FBXW4: variants seen among roughly 807,000 people sequenced by gnomAD.
The protein encoded by FBXW4 is F-box/WD repeat-containing protein 4.
In FBXW4, 40 loss-of-function variants were observed where a neutral mutation model predicts 61.8. The ratio of observed to expected loss-of-function variants is 0.65; its 90% CI spans 0.50 to 0.84. The LOEUF is 0.84. Ranked by LOEUF, FBXW4 falls within the 40% of genes least tolerant of loss-of-function variation. FBXW4 has a pLI of 0.00. For synonymous variants in FBXW4, 311 were observed against 313.8 expected (o/e 0.99, Z 0.10); for missense variants, 672 against 753.8 (o/e 0.89, Z 1.27).
chr10:101,683,978 T>C (rs2064505489), intron 1 of FBXW4, among the ~76,000 whole-genome samples: 1 of 152,110 alleles, frequency 6.6e-6, no homozygotes, highest in Admixed American at 6.5e-5. Flanking sequence ...TAATTAATTT[T>C]TTTGAGACAG....
chr10:101,634,181 ATATC>A (rs2063982009), intron 5 of FBXW4, among the ~76,000 whole-genome samples: 1 of 151,806 alleles, frequency 6.6e-6, no homozygotes, highest in South Asian at 2.1e-4. Flanking sequence ...AAACTGTAGA[ATATC>A]TAAGAATAAA....
chr10:101,674,533 A>G (rs757311059), intron 2 of FBXW4, among the ~76,000 whole-genome samples: 18 of 152,152 alleles, frequency 1.2e-4, no homozygotes, highest in Non-Finnish European at 2.9e-5. Context: ...ATTCTGTTAG[A>G]GCTAAGGGGT....
Position 101,611,690 on chromosome 10 carries a change from T to C in FBXW4, c.1522A>G (p.Thr508Ala). The C allele has an allele frequency of 1.2e-6, 2 of 1,614,182 alleles. No individual in the cohort carries two copies. The highest frequency in any genetic ancestry group is 1.7e-6 in the Non-Finnish European group (2 of 1,180,028). Reference protein sequence around the residue: ...LQTDGNHLLATGSSYYGVVRL... With the variant: ...LQTDGNHLLAAGSSYYGVVRL... ...ACAACACCGTAGTAGGAGGAACCTGTGGCCAGCAGGTGGTTGCCATCTGTC... is the reference window on the plus strand; with the variant it reads ...ACAACACCGTAGTAGGAGGAACCTGCGGCCAGCAGGTGGTTGCCATCTGTC... The change falls in exon 8 of 9, where the codon ACA (threonine) becomes GCA (alanine). Residue 508 changes from threonine to alanine, a missense_variant. Around this residue, in one of 5 missense-constraint regions of FBXW4, gnomAD observed 312 missense variants for 370.1 expected, o/e 0.84. Coordinates refer to ENST00000331272, the MANE Select transcript of FBXW4 (RefSeq NM_022039.4). This position sits in a 1 kb window ranked among gnomAD's most constrained non-coding sequence, Gnocchi z 4.9.
At chr10:101,643,876 T>G (rs1160264174) in intron 5 of FBXW4, among the ~76,000 whole-genome samples, 1 of 152,164 alleles carries the variant, frequency 6.6e-6, no homozygotes, top group African/African-American at 2.4e-5. Flanking sequence ...AAATTTCTAA[T>G]AAGCAGTTTC....
intron 5 of FBXW4, among the ~76,000 whole-genome samples, chr10:101,654,381 G>T (rs897765672): frequency 2.0e-4 from 31 of 152,022 alleles, no homozygotes; most frequent in African/African-American, 7.2e-4. Flanking sequence ...TAAATTTTAT[G>T]ATATATAAAT....
intron 5 of FBXW4, among the ~76,000 whole-genome samples, chr10:101,654,921 T>G (rs1169575012): frequency 6.6e-6 from 1 of 152,232 alleles, no homozygotes; most frequent in Non-Finnish European, 1.5e-5. Context: ...TCTCCTGGGC[T>G]CAAGCAGTCC....
At chr10:101,692,806 C>G (rs888330658) in intron 1 of FBXW4, among the ~76,000 whole-genome samples, 1 of 145,820 alleles carries the variant, frequency 6.9e-6, no homozygotes, top group Non-Finnish European at 1.5e-5. Context: ...ACAGATTTAT[C>G]AGGTCTGTGG....
At chr10:101,648,306 G>A (rs1220377339) in intron 5 of FBXW4, among the ~76,000 whole-genome samples, 1 of 152,180 alleles carries the variant, frequency 6.6e-6, no homozygotes, top group Non-Finnish European at 1.5e-5. Context: ...GCATTGATTT[G>A]AGATGATTGA....
chr10:101,674,639 T>G (rs2064390643), intron 2 of FBXW4, among the ~76,000 whole-genome samples: 1 of 152,248 alleles, frequency 6.6e-6, no homozygotes, highest in Non-Finnish European at 1.5e-5. Flanking sequence ...ATTTCTGTAT[T>G]AGAGAGTAAG....
At chr10:101,614,837 C>T (rs1301408313) in intron 6 of FBXW4, among the ~76,000 whole-genome samples, 1 of 152,190 alleles carries the variant, frequency 6.6e-6, no homozygotes, top group East Asian at 1.9e-4. Flanking sequence ...AGCAGTGCCA[C>T]AGGAGCCCTG....
In FBXW4 at chr10:101,611,920, C is replaced by T; in HGVS notation, c.1443-151G>A. 3.0e-6 allele frequency: 3 copies of T among 1,005,766 alleles called. 1 individual carries two copies. Among genetic ancestry groups the T allele is most frequent in the South Asian group, 3.5e-5 (2 of 57,682 alleles). The allele number at this position is 1,005,766 out of a possible 1,614,324, so 62.3% of individuals were successfully genotyped here. ...CTAAATCATCAGATTCATCAAAAAC[C>T]GAACTTCATGGGAGAAAGCATCTTC... On this transcript the variant is annotated intron_variant, in intron 7 of 8. Transcript: ENST00000331272. The surrounding 1 kb of genome is among the most constrained non-coding windows in gnomAD (Gnocchi z 4.9).
chr10:101,630,461 T>C (rs559366694), intron 5 of FBXW4, among the ~76,000 whole-genome samples: 2 of 152,288 alleles, frequency 1.3e-5, no homozygotes, highest in African/African-American at 4.8e-5. Flanking sequence ...TGTCCCTCCA[T>C]TGGCTCAGCC....
chr10:101,673,434 T>A (rs1286274310), intron 3 of FBXW4, 54 bp downstream of exon 3: 9 of 1,591,352 alleles, frequency 5.7e-6, no homozygotes, highest in Non-Finnish European at 7.7e-6. Context: ...GCAGGCAGAA[T>A]GTCCCCGAAG....
At chr10:101,620,804 T>C (rs1290810979) in intron 6 of FBXW4, among the ~76,000 whole-genome samples, 2 of 152,116 alleles carry the variant, frequency 1.3e-5, no homozygotes, top group Non-Finnish European at 2.9e-5. Context: ...CTATTCTCAT[T>C]AGAGTCCATT....
intron 5 of FBXW4, among the ~76,000 whole-genome samples, chr10:101,638,251 G>A (rs1292492159): frequency 2.0e-5 from 3 of 152,178 alleles, no homozygotes; most frequent in Non-Finnish European, 2.9e-5. Context: ...TTTGTAAGGC[G>A]TGGAACTAGA....
At chr10:101,654,711 T>C (rs2064171875) in intron 5 of FBXW4, among the ~76,000 whole-genome samples, 1 of 152,228 alleles carries the variant, frequency 6.6e-6, no homozygotes, top group African/African-American at 2.4e-5. Context: ...ATCTTTTGGT[T>C]CCATAAATGT....
At chr10:101,621,237 C>G (rs2063864516) in intron 6 of FBXW4, among the ~76,000 whole-genome samples, 1 of 152,198 alleles carries the variant, frequency 6.6e-6, no homozygotes, top group South Asian at 2.1e-4. Flanking sequence ...GAATTAAAAG[C>G]CTCCACAAGC....
chr10:101,618,791 C>T (rs2063845161), intron 6 of FBXW4, among the ~76,000 whole-genome samples: 1 of 152,126 alleles, frequency 6.6e-6, no homozygotes, highest in South Asian at 2.1e-4. Context: ...GATTAAAGGG[C>T]TCTCCATCCT....
Position 101,611,457 on chromosome 10 carries a change from A to G in FBXW4, c.1585-47T>C. The G allele has an allele frequency of 6.3e-7, 1 of 1,598,058 alleles. No homozygotes were observed. Among genetic ancestry groups the G allele is most frequent in the Non-Finnish European group, 8.5e-7 (1 of 1,170,946 alleles). On this transcript the variant is annotated intron_variant, in intron 8 of 8. Transcript: ENST00000331272. This position sits in a 1 kb window ranked among gnomAD's most constrained non-coding sequence, Gnocchi z 4.9. ...GTGGTAAGAGCTTTCCAAGTGGGAC[A>G]TGGGTGTGCCCTAACCCAGGATCCC... is the stretch of plus-strand genomic sequence containing the variant.
Sources: gnomAD v4.1 joint callset for allele counts (sites outside exome capture counted in the v4.1 genomes callset) on GRCh38, gnomAD v4.1.1 for gene constraint, gnomAD v4.1.1 regional missense constraint, Gnocchi (gnomAD v3.1) non-coding constraint, MANE v1.5 for transcripts, NCBI Gene and HGNC (gene_info 2026-07-23, HGNC 2026-07-21) for gene names.